Variants in CALN1 observed in about 807,000 individuals in gnomAD.
CALN1 encodes the protein calcium-binding protein 8.
CALN1 carries 17 observed loss-of-function variants against 30.6 expected under a neutral mutation model. The observed-to-expected ratio is 0.56, with a 90% CI of 0.38 to 0.83. CALN1 has a LOEUF of 0.83. CALN1 is among the 40% of genes least tolerant of loss of function. CALN1 has a pLI of 0.00. For missense variants in CALN1, 291 were observed against 354.9 expected, an observed-to-expected ratio of 0.82 and a Z score of 1.45; for synonymous variants, 156 against 131.4, an observed-to-expected ratio of 1.19 and a Z score of -1.28.
intron 3 of CALN1, among the ~76,000 whole-genome samples, chr7:72,206,605 TTTTA>T (rs777655492): frequency 2.0e-5 from 3 of 152,194 alleles, no homozygotes; most frequent in Admixed American, 6.5e-5. Context: ...GTGTTTATTC[TTTTA>T]TTTATTTCTT....
intron 5 of CALN1, among the ~76,000 whole-genome samples, chr7:71,884,017 G>A (rs1029765811): frequency 6.6e-6 from 1 of 152,114 alleles, no homozygotes; most frequent in African/African-American, 2.4e-5. Flanking sequence ...AGGTTCAAGC[G>A]ATTTTCCTGC....
At chr7:72,163,763 A>T (rs1788312807) in intron 3 of CALN1, among the ~76,000 whole-genome samples, 1 of 152,190 alleles carries the variant, frequency 6.6e-6, no homozygotes, top group African/African-American at 2.4e-5. Context: ...ATACAGAAAC[A>T]TATTGATGGA....
intron 5 of CALN1, among the ~76,000 whole-genome samples, chr7:71,889,964 C>CG (rs1793143021): frequency 7.9e-6 from 1 of 126,486 alleles, no homozygotes; most frequent in African/African-American, 3.3e-5. Flanking sequence ...GACTCTGTCT[C>CG]GGAAAAAAAA....
rs1217811055 is a variant in CALN1, at chr7:72,313,500, C to T, written c.120-34690G>A. On this transcript the variant is annotated intron_variant, in intron 2 of 6. Transcript: ENST00000395275. Reference sequence around the variant, plus strand: ...TATGGCTCCAGGGCTCAAGCGACAGCTCCCAACTCAGCCTCCAGAGTAGCT... The same window carrying T: ...TATGGCTCCAGGGCTCAAGCGACAGTTCCCAACTCAGCCTCCAGAGTAGCT... Among the ~76,000 whole-genome samples the T allele has an allele frequency of 1.3e-5, 2 of 152,128 alleles. 1 individual carries two copies. Among genetic ancestry groups the T allele is most frequent in the South Asian group, 4.1e-4 (2 of 4,826 alleles).
At chr7:72,019,018 AT>A (rs201372988) in intron 5 of CALN1, among the ~76,000 whole-genome samples, 15,699 of 136,062 alleles carry the variant, frequency 0.12, 1,112 homozygotes, top group African/African-American at 0.21. Flanking sequence ...TTTTTTTTGT[AT>A]TTTTTTTTTT....
chr7:72,299,949 G>C (rs1799142817), intron 2 of CALN1, among the ~76,000 whole-genome samples: 1 of 151,972 alleles, frequency 6.6e-6, no homozygotes, highest in Non-Finnish European at 1.5e-5. Context: ...CCAGGCTGGA[G>C]AGCAGTGGCA....
intron 3 of CALN1, among the ~76,000 whole-genome samples, chr7:72,274,852 A>C (rs1180953516): frequency 1.3e-5 from 2 of 152,122 alleles, no homozygotes; most frequent in African/African-American, 4.8e-5. Flanking sequence ...GGTGATTCCC[A>C]ACTTTAATCT....
At chr7:72,351,304 A>G (rs1338710362) in intron 2 of CALN1, among the ~76,000 whole-genome samples, 6 of 152,072 alleles carry the variant, frequency 3.9e-5, no homozygotes, top group Admixed American at 3.9e-4. Context: ...GGAGTTCAAG[A>G]CCAGCCTTGG....
intron 3 of CALN1, among the ~76,000 whole-genome samples, chr7:72,112,345 T>C (rs1424361333): frequency 2.0e-5 from 3 of 152,222 alleles, no homozygotes; most frequent in Non-Finnish European, 4.4e-5. Flanking sequence ...TCTCAGTATG[T>C]GTACGATGCA....
At chr7:72,478,403 AT>A in the CALN1 span, among the ~76,000 whole-genome samples, 1 of 146,438 alleles carries the variant, frequency 6.8e-6, no homozygotes, top group African/African-American at 2.6e-5. Context: ...ATATATATAT[AT>A]TTTTTCTTAA....
In CALN1 at chr7:72,445,349, C is replaced by T. The variant is rs534475971; in HGVS notation, c.-226+1693G>A. ...GGTCTGTGAGCTCAAGGAACTCACCCGGCTAACCATGGCCTCAGTCCGCTT... is the reference window on the plus strand; with the variant it reads ...GGTCTGTGAGCTCAAGGAACTCACCTGGCTAACCATGGCCTCAGTCCGCTT... On this transcript the variant is annotated intron_variant, in intron 1 of 6. Transcript: ENST00000395276. Among the ~76,000 whole-genome samples the T allele has an allele frequency of 1.4e-4, 22 of 152,150 alleles. No homozygotes were observed. In the South Asian group the frequency reaches 2.9e-3, roughly 20 times the overall value.
intron 3 of CALN1, among the ~76,000 whole-genome samples, chr7:72,181,756 T>C (rs1188803278): frequency 6.6e-6 from 1 of 152,222 alleles, no homozygotes; most frequent in Non-Finnish European, 1.5e-5. Flanking sequence ...ATTACGGGCA[T>C]GAGCCACCAC....
chr7:72,081,417 G>GTGTGTGTGTGTGTGTGTGTC (rs145997789), intron 4 of CALN1, among the ~76,000 whole-genome samples: 4,019 of 146,260 alleles, frequency 0.027, 127 homozygotes, highest in African/African-American at 0.071. Flanking sequence ...GTGTGTGTGT[G>GTGTGTGTGTGTGTGTGTGTC]TGTGTGTTTG....
chr7:71,935,640 T>C (rs928363613), intron 5 of CALN1, among the ~76,000 whole-genome samples: 9 of 152,270 alleles, frequency 5.9e-5, no homozygotes, highest in Admixed American at 1.3e-4. Context: ...GGAGAATCGC[T>C]TGAACCCGGG....
intron 3 of CALN1, among the ~76,000 whole-genome samples, chr7:72,161,215 C>T (rs1458260455): frequency 2.0e-5 from 3 of 152,208 alleles, no homozygotes; most frequent in Non-Finnish European, 4.4e-5. Context: ...CTTGGGAAAT[C>T]TCAAGGGAAC....
intron 2 of CALN1, among the ~76,000 whole-genome samples, chr7:72,318,319 T>C (rs575999271): frequency 6.6e-6 from 1 of 151,900 alleles, no homozygotes; most frequent in South Asian, 2.1e-4. Flanking sequence ...CTTTCATTCT[T>C]CTCCTACTAC....
intron 2 of CALN1, among the ~76,000 whole-genome samples, chr7:72,371,088 A>C (rs905681716): frequency 3.3e-5 from 5 of 150,726 alleles, no homozygotes; most frequent in Admixed American, 3.3e-4. Flanking sequence ...TAATTTTGAT[A>C]AAGTCTGGTA....
At chr7:72,296,562 G>A (rs1798876754) in intron 2 of CALN1, among the ~76,000 whole-genome samples, 1 of 147,844 alleles carries the variant, frequency 6.8e-6, no homozygotes, top group South Asian at 2.2e-4. Flanking sequence ...TCTATTCAGA[G>A]ATTCAACTTC....
chr7:72,058,044 T>C (rs1205563785), intron 4 of CALN1, among the ~76,000 whole-genome samples: 4 of 152,202 alleles, frequency 2.6e-5, no homozygotes, highest in Non-Finnish European at 5.9e-5. Flanking sequence ...CAGAATGTTA[T>C]ACAACCACCA....
Sources: allele counts gnomAD v4.1 joint callset (sites outside exome capture counted in the v4.1 genomes callset), GRCh38; gene constraint gnomAD v4.1.1; transcripts MANE v1.5; gene names NCBI Gene and HGNC (gene_info 2026-07-23, HGNC 2026-07-21).